The following LUZP2 variants were observed in gnomAD, a reference collection of about 807,000 sequenced individuals.
The protein encoded by LUZP2 is leucine zipper protein 2.
Under a neutral mutation model 51.6 loss-of-function variants are expected in LUZP2, and 52 were observed. The ratio of observed to expected loss-of-function variants is 1.01; its 90% CI spans 0.81 to 1.27. The LOEUF (loss-of-function observed/expected upper bound fraction) is 1.27. Among genes scored for constraint, LUZP2 ranks in the 50% most tolerant of loss-of-function variants. The probability of loss-of-function intolerance (pLI) is 0.00; values close to 1 mark genes in which losing one functional copy is unlikely to be tolerated. For synonymous variants in LUZP2, 154 were observed against 137.3 expected (o/e 1.12, Z -0.85); for missense variants, 436 against 395.4 (o/e 1.10, Z -0.87).
At chr11:24,927,774 A>G (rs1024517616) in intron 7 of LUZP2, among the ~76,000 whole-genome samples, 7 of 151,812 alleles carry the variant, frequency 4.6e-5, no homozygotes, top group Admixed American at 3.9e-4. Flanking sequence ...TTTTGTGAAG[A>G]ATGATGGTGG....
chr11:24,533,183 C>T (rs1441634782), intron 1 of LUZP2, among the ~76,000 whole-genome samples: 1 of 151,194 alleles, frequency 6.6e-6, no homozygotes, highest in Non-Finnish European at 1.5e-5. Flanking sequence ...CTCACAAACA[C>T]CAAAAGCAAG....
chr11:24,619,169 C>T (rs1409153153), intron 1 of LUZP2, among the ~76,000 whole-genome samples: 1 of 152,040 alleles, frequency 6.6e-6, no homozygotes, highest in Non-Finnish European at 1.5e-5. Flanking sequence ...GCTGAGACTA[C>T]AGATGTGCAC....
At chr11:24,653,507 A>G (rs1289110986) in intron 1 of LUZP2, among the ~76,000 whole-genome samples, 1 of 152,142 alleles carries the variant, frequency 6.6e-6, no homozygotes, top group Non-Finnish European at 1.5e-5. Flanking sequence ...GCACTTCCCT[A>G]TATAAGTCCG....
At chr11:25,048,732 G>A (rs1306952657) in intron 9 of LUZP2, among the ~76,000 whole-genome samples, 1 of 151,780 alleles carries the variant, frequency 6.6e-6, no homozygotes, top group Non-Finnish European at 1.5e-5. Context: ...TATGGGAGGT[G>A]GAAAACAATA....
At chr11:24,681,987 T>C (rs1235514005) in intron 1 of LUZP2, among the ~76,000 whole-genome samples, 1 of 152,220 alleles carries the variant, frequency 6.6e-6, no homozygotes, top group African/African-American at 2.4e-5. Flanking sequence ...AAAGAAGAGT[T>C]CTTATACTAT....
chr11:24,715,653 G>GA (rs1858014706), intron 1 of LUZP2, among the ~76,000 whole-genome samples: 1 of 152,020 alleles, frequency 6.6e-6, no homozygotes, highest in African/African-American at 2.4e-5. Context: ...TTTCTTCCAT[G>GA]AAATTTTCTG....
intron 5 of LUZP2, among the ~76,000 whole-genome samples, chr11:24,767,289 T>C (rs1416940534): frequency 6.6e-6 from 1 of 152,196 alleles, no homozygotes; most frequent in Non-Finnish European, 1.5e-5. Context: ...CTCTCTTGTG[T>C]AATCCTTCTG....
At chr11:24,857,244 C>G (rs1378305039) in intron 5 of LUZP2, among the ~76,000 whole-genome samples, 1 of 149,048 alleles carries the variant, frequency 6.7e-6, no homozygotes, top group African/African-American at 2.5e-5. Context: ...CCCCACTCCC[C>G]TACCCACAAG....
intron 5 of LUZP2, among the ~76,000 whole-genome samples, chr11:24,897,014 C>T (rs561137237): frequency 1.1e-4 from 16 of 152,138 alleles, no homozygotes; most frequent in African/African-American, 2.2e-4. Flanking sequence ...GGTGTGTAAA[C>T]GCACCAATCA....
intron 7 of LUZP2, among the ~76,000 whole-genome samples, chr11:24,966,988 T>G (rs915164769): frequency 9.3e-5 from 14 of 150,722 alleles, no homozygotes; most frequent in African/African-American, 3.1e-4. Flanking sequence ...AATTACAGTT[T>G]GTCTTTCTCA....
chr11:24,581,180 T>G (rs537709366), intron 1 of LUZP2, among the ~76,000 whole-genome samples: 3 of 147,632 alleles, frequency 2.0e-5, no homozygotes, highest in South Asian at 4.3e-4. Context: ...TCCTTGGATG[T>G]ATACCCTTTC....
At chr11:24,590,014 G>A (rs903592656) in intron 1 of LUZP2, among the ~76,000 whole-genome samples, 6 of 151,996 alleles carry the variant, frequency 3.9e-5, no homozygotes, top group Non-Finnish European at 7.4e-5. Flanking sequence ...TTTGTGTAAT[G>A]TACGTGCATT....
At chr11:25,039,153 T>G (rs908912488) in intron 9 of LUZP2, among the ~76,000 whole-genome samples, 2 of 152,182 alleles carry the variant, frequency 1.3e-5, no homozygotes, top group Non-Finnish European at 2.9e-5. Flanking sequence ...TTGTTGTTGT[T>G]AGATCTTTCA....
At chr11:24,514,910 G>A (rs987998304) in intron 1 of LUZP2, among the ~76,000 whole-genome samples, 4 of 152,160 alleles carry the variant, frequency 2.6e-5, no homozygotes, top group African/African-American at 9.7e-5. Context: ...TTTAGGGTAG[G>A]AGACTTTTTA....
rs567754402 is a variant in LUZP2 at position 24,910,863 on chromosome 11, T to C, written c.460-3613T>C. 1.2e-4 allele frequency among the ~76,000 whole-genome samples: 18 copies of C among 152,118 alleles called. No homozygotes were observed. In the South Asian group the frequency reaches 3.5e-3, roughly 30 times the overall value. On this transcript the variant is annotated intron_variant, in intron 6 of 11. Coordinates refer to ENST00000336930, the MANE Select transcript of LUZP2 (RefSeq NM_001009909.4). The stretch of plus-strand genomic sequence containing the variant: ...CCAGAATGGTAGATCCACCGACAAC[T>C]TGCACCGTGCACCTGGAAAAGGCAT...
intron 4 of LUZP2, among the ~76,000 whole-genome samples, chr11:24,748,191 T>C (rs920604196): frequency 6.6e-6 from 1 of 152,182 alleles, no homozygotes; most frequent in Non-Finnish European, 1.5e-5. Flanking sequence ...AATGGCCTGC[T>C]TGGGGACGCA....
intron 1 of LUZP2, among the ~76,000 whole-genome samples, chr11:24,512,714 G>T (rs1012634397): frequency 4.0e-5 from 6 of 150,872 alleles, no homozygotes; most frequent in African/African-American, 1.2e-4. Context: ...GTTGAAATAG[G>T]TCTTTTAATT....
chr11:24,971,341 A>T (rs1342927473), intron 7 of LUZP2, among the ~76,000 whole-genome samples: 1 of 152,132 alleles, frequency 6.6e-6, no homozygotes, highest in Non-Finnish European at 1.5e-5. Context: ...CCCCTATGAA[A>T]ATCTAATGCT....
intron 5 of LUZP2, among the ~76,000 whole-genome samples, chr11:24,787,321 G>A (rs76085186): frequency 0.021 from 3,232 of 152,176 alleles, 122 homozygotes; most frequent in African/African-American, 0.074. Context: ...ATTTGGGGCA[G>A]CATATTCTTA....
Sources: allele counts gnomAD v4.1 joint callset (sites outside exome capture counted in the v4.1 genomes callset), GRCh38; gene constraint gnomAD v4.1.1; transcripts MANE v1.5; gene names NCBI Gene and HGNC (gene_info 2026-07-23, HGNC 2026-07-21).